PTPRS: variants seen among roughly 807,000 people sequenced by gnomAD.
PTPRS encodes protein tyrosine phosphatase receptor type S, also known as receptor-type tyrosine-protein phosphatase S.
A neutral mutation model predicts 215.3 loss-of-function variants in PTPRS; 63 were observed. That is an observed-to-expected ratio of 0.29 (90% confidence interval 0.24 to 0.36). The LOEUF (loss-of-function observed/expected upper bound fraction) is 0.36, where lower values mean the gene tolerates loss of function less well. Among genes scored for constraint, PTPRS ranks in the 10% least tolerant of loss-of-function variants. The pLI is 1.00. For missense variants in PTPRS, 2,258 were observed against 2,825.8 expected (o/e 0.80, Z 4.56); for synonymous variants, 1,404 against 1,191.4 (o/e 1.18, Z -3.68).
In PTPRS at chr19:5,287,964, GCA is replaced by G. The variant is rs3042434; in HGVS notation, c.-94-1732_-94-1731del. On this transcript the variant is annotated intron_variant, in intron 1 of 37. Coordinates refer to ENST00000262963, the MANE Select transcript of PTPRS (RefSeq NM_002850.4). This position sits in a 1 kb window ranked among gnomAD's most constrained non-coding sequence, Gnocchi z 4.8. ...TCACACAGTCAGGCAGCAGAGACGG[GCA>G]CACACACACACACACACACACACAC... 0.11 allele frequency among the ~76,000 whole-genome samples: 14,143 copies of G among 132,982 alleles called. 766 individuals are homozygous for G. The highest frequency in any genetic ancestry group is 0.15 in the South Asian group (544 of 3,552). 87.2% of individuals were successfully genotyped at this position (132,982 alleles called of 152,430 possible).
intron 14 of PTPRS, 28 bp from the exon 15 acceptor site, chr19:5,229,712 C>T (rs1209167802): frequency 1.7e-6 from 2 of 1,189,484 alleles, no homozygotes; most frequent in African/African-American, 1.6e-5. Context: ...AGGGGAGGGG[C>T]GGGCGGAGCC....
At chr19:5,288,515 G>A (rs1165880063) in intron 1 of PTPRS, among the ~76,000 whole-genome samples, 3 of 152,168 alleles carry the variant, frequency 2.0e-5, no homozygotes, top group African/African-American at 4.8e-5. Flanking sequence ...CGAGGAAGGC[G>A]GTGGCCCCAG....
intron 4 of PTPRS, among the ~76,000 whole-genome samples, chr19:5,268,023 A>G (rs2146454590): frequency 6.6e-6 from 1 of 152,222 alleles, no homozygotes; most frequent in South Asian, 2.1e-4. Context: ...AAAGAAGATT[A>G]GCCGGGCTTG....
chr19:5,231,386 G>A lies in PTPRS; in HGVS notation c.2079C>T (p.Arg693=). Residue 693 remains arginine (R), a synonymous_variant, in exon 14 of 38, where the codon CGC becomes CGT. Coordinates refer to ENST00000262963, the MANE Select transcript of PTPRS (RefSeq NM_002850.4). ...LEALEKWTQY[R]ITTVAHTEVG... ...CCTCTGTGTGAGCGACAGTCGTGATGCGGTACTGGGTCCACTTCTCCAAGG... is the reference window on the plus strand; with the variant it reads ...CCTCTGTGTGAGCGACAGTCGTGATACGGTACTGGGTCCACTTCTCCAAGG... 6.2e-7 allele frequency: 1 copy of A among 1,613,112 alleles called. No individual in the cohort carries two copies. The highest frequency in any genetic ancestry group is 1.3e-5 in the African/African-American group (1 of 74,990).
At chr19:5,302,677 G>A (rs1002278146) in intron 1 of PTPRS, among the ~76,000 whole-genome samples, 1 of 152,084 alleles carries the variant, frequency 6.6e-6, no homozygotes, top group African/African-American at 2.4e-5. Flanking sequence ...AGTCATTGCT[G>A]GTGTGTGCAG....
chr19:5,225,666 G>A (rs1290751880), intron 17 of PTPRS, 61 bp downstream of exon 17: 3 of 1,402,830 alleles, frequency 2.1e-6, no homozygotes, highest in African/African-American at 1.4e-5. Flanking sequence ...CTGGAGTCAC[G>A]CTCTGGTGCC....
chr19:5,309,908 C>G (rs1194566102), intron 1 of PTPRS, among the ~76,000 whole-genome samples: 1 of 152,172 alleles, frequency 6.6e-6, no homozygotes, highest in East Asian at 1.9e-4. Context: ...AGCCAGGGGT[C>G]GCCTGTGAAC....
intron 1 of PTPRS, among the ~76,000 whole-genome samples, chr19:5,331,935 A>C (rs1262594914): frequency 6.6e-6 from 1 of 152,160 alleles, no homozygotes; most frequent in Non-Finnish European, 1.5e-5. Flanking sequence ...GGTGCCTCTA[A>C]AGAACCGCAG....
intron 4 of PTPRS, among the ~76,000 whole-genome samples, chr19:5,272,595 C>CAAAAAAAAAAAAAAAAAACAAAA (rs2047007018): frequency 1.4e-5 from 1 of 73,396 alleles, no homozygotes. Context: ...AAGACTGTCT[C>CAAAAAAAAAAAAAAAAAACAAAA]AAAAAAAAAA....
chr19:5,230,175 C>G (rs2042899408), intron 14 of PTPRS, among the ~76,000 whole-genome samples: 1 of 152,212 alleles, frequency 6.6e-6, no homozygotes, highest in Admixed American at 6.5e-5. Context: ...CTTTTTCACC[C>G]ACCCCAGGGT....
chr19:5,336,602 C>A (rs937912073), intron 1 of PTPRS, among the ~76,000 whole-genome samples: 1 of 152,124 alleles, frequency 6.6e-6, no homozygotes, highest in Non-Finnish European at 1.5e-5. Flanking sequence ...GTTTAAAAAG[C>A]CCTTGAAACC....
At chr19:5,309,026 G>C (rs376037072) in intron 1 of PTPRS, among the ~76,000 whole-genome samples, 15 of 152,204 alleles carry the variant, frequency 9.9e-5, no homozygotes, top group African/African-American at 3.4e-4. Flanking sequence ...CCTACAGCCT[G>C]CCTGGCACTA....
At chr19:5,219,559 C>T in intron 22 of PTPRS, 92 bp from the exon 23 acceptor site, 1 of 1,416,314 alleles carries the variant, frequency 7.1e-7, no homozygotes, top group Non-Finnish European at 9.4e-7. Flanking sequence ...CGTTTCTCCC[C>T]CGCTCTAGAT....
intron 20 of PTPRS, 39 bp downstream of exon 20, chr19:5,220,961 G>A (rs1193497975): frequency 2.5e-6 from 4 of 1,572,060 alleles, no homozygotes; most frequent in Non-Finnish European, 2.6e-6. Flanking sequence ...GTAGGCTGAT[G>A]GGGGTGACAA....
Position 5,243,908 on chromosome 19 carries a change from C to T in PTPRS, c.1563G>A (p.Gln521=). 4 of 1,515,198 alleles carry T rather than the reference C, an allele frequency of 2.6e-6. No homozygotes were observed. The highest frequency in any genetic ancestry group is 3.5e-6 in the Non-Finnish European group (4 of 1,134,222). The allele number at this position is 1,515,198 out of a possible 1,614,324, so 93.9% of individuals were successfully genotyped here. ...PLSDPIQVKT[Q]QGVPGQPMNL... is the part of the protein sequence containing the mutation. ...GCCGACCCCACGCCTCACCTCCCTG[C>T]TGCGTCTTGACCTGGATGGGGTCCG... Residue 521 remains glutamine (Q), a synonymous_variant, in exon 11 of 38, where the codon CAG becomes CAA. Transcript: ENST00000262963.
chr19:5,211,579 A>G lies in PTPRS; in HGVS notation c.5234+11T>C, dbSNP rs992510803. 4.4e-6 allele frequency: 7 copies of G among 1,599,710 alleles called. No individual in the cohort carries two copies. The highest frequency in any genetic ancestry group is 6.0e-6 in the Non-Finnish European group (7 of 1,168,178). On this transcript the variant is annotated intron_variant, in intron 33 of 37. Transcript: ENST00000262963. ...TCTGGGGCCCTGAGGTGGGAAAGGC[A>G]TGGCACCTACCTGTAGCCATCAATG... is the stretch of plus-strand genomic sequence containing the variant.
intron 9 of PTPRS, among the ~76,000 whole-genome samples, chr19:5,249,787 G>A (rs1357278855): frequency 6.6e-6 from 1 of 152,218 alleles, no homozygotes; most frequent in East Asian, 1.9e-4. Flanking sequence ...ATACTCAAAG[G>A]AATTGTTGGA....
chr19:5,281,139 G>T lies in PTPRS; in HGVS notation c.91+4911C>A, dbSNP rs73547741. ...TGTTGCAGCAACAGCCAATCCCACT[G>T]TACTGATTCAGGAATGTTAATGGGT... On this transcript the variant is annotated intron_variant, in intron 2 of 37. Transcript: ENST00000262963. Among the ~76,000 whole-genome samples the T allele has an allele frequency of 8.6e-3, 1,303 of 151,984 alleles. 17 individuals are homozygous for T. Among genetic ancestry groups the T allele is most frequent in the African/African-American group, 0.029 (1,220 of 41,486 alleles).
intron 11 of PTPRS, among the ~76,000 whole-genome samples, chr19:5,241,801 G>C (rs1391612878): frequency 6.6e-6 from 1 of 152,066 alleles, no homozygotes; most frequent in Admixed American, 6.6e-5. Flanking sequence ...ACCTGAGCAG[G>C]GAGGGAGACT....
Sources: gnomAD v4.1 joint callset for allele counts (sites outside exome capture counted in the v4.1 genomes callset) on GRCh38, gnomAD v4.1.1 for gene constraint, Gnocchi (gnomAD v3.1) non-coding constraint, MANE v1.5 for transcripts, NCBI Gene and HGNC (gene_info 2026-07-23, HGNC 2026-07-21) for gene names.